Variants in RPUSD3 observed in about 807,000 individuals in gnomAD.
RPUSD3 encodes the protein mitochondrial mRNA pseudouridine synthase RPUSD3.
Under a neutral mutation model 35.1 loss-of-function variants are expected in RPUSD3, and 36 were observed. The ratio of observed to expected loss-of-function variants is 1.02; its 90% CI spans 0.79 to 1.35. The LOEUF (loss-of-function observed/expected upper bound fraction) is 1.35. RPUSD3 is among the 40% of genes most tolerant of loss of function. The probability of loss-of-function intolerance (pLI) is 0.00; values close to 1 mark genes in which losing one functional copy is unlikely to be tolerated. For missense variants in RPUSD3, 486 were observed against 441.9 expected, an observed-to-expected ratio of 1.10 and a Z score of -0.89; for synonymous variants, 202 against 187.8, an observed-to-expected ratio of 1.08 and a Z score of -0.62.
chr3:9,841,955 C>CT (rs1208083647), intron 4 of RPUSD3, 28 bp downstream of exon 4: 1 of 1,594,460 alleles, frequency 6.3e-7, no homozygotes, highest in Non-Finnish European at 8.6e-7. Flanking sequence ...GCCTGTACTC[C>CT]TAGCTTCCTG....
At chr3:9,840,251 A>T in exon 7 of RPUSD3, 1 of 1,614,120 alleles carries the variant, frequency 6.2e-7, no homozygotes, top group Non-Finnish European at 8.5e-7. Context: ...AGTGACTGAG[A>T]GTCTTCTTGA....
exon 8 of RPUSD3, chr3:9,839,050 G>A: frequency 3.7e-6 from 6 of 1,614,192 alleles, no homozygotes; most frequent in Non-Finnish European, 5.1e-6. Context: ...GGGGCTTGTT[G>A]TTCTCAGCTG....
intron 7 of RPUSD3, chr3:9,839,463 T>C (rs2082071157): frequency 3.9e-6 from 1 of 253,684 alleles, no homozygotes; most frequent in Non-Finnish European, 7.5e-6. Context: ...GGTGCTAGCC[T>C]GAAGCTGCCT....
intron 5 of RPUSD3, 27 bp downstream of exon 5, chr3:9,840,671 C>T (rs2082090269): frequency 1.2e-6 from 2 of 1,612,938 alleles, no homozygotes; most frequent in East Asian, 2.2e-5. Flanking sequence ...CTCCCCACCA[C>T]TCTAGGAACC....
intron 6 of RPUSD3, 63 bp downstream of exon 6, chr3:9,840,469 G>A (rs895240065): frequency 1.9e-6 from 3 of 1,583,794 alleles, no homozygotes; most frequent in Non-Finnish European, 2.6e-6. Context: ...CCATACCCCT[G>A]ACTCCTCTCT....
In RPUSD3 at chr3:9,839,183, G is replaced by A. The variant is rs1219364217; in HGVS notation, c.725-12C>T. 2 of 1,601,772 alleles carry A rather than the reference G, an allele frequency of 1.2e-6. No individual in the cohort carries two copies. The highest frequency in any genetic ancestry group is 1.7e-6 in the Non-Finnish European group (2 of 1,170,294). On this transcript the variant is annotated splice_polypyrimidine_tract_variant and intron_variant, in intron 7 of 8. Coordinates refer to ENST00000383820, the Ensembl canonical transcript of RPUSD3. ...TTGACTGGAGAACACTGGGCAACAG[G>A]AAAGCCAGGAGAGACAGTGGGCAGC...
chr3:9,843,442 C>T (rs766115098), intron 2 of RPUSD3, 23 bp downstream of exon 2: 1 of 1,612,674 alleles, frequency 6.2e-7, no homozygotes, highest in Non-Finnish European at 8.5e-7. Flanking sequence ...GGTCCTTGTG[C>T]GGCCGTGCCT....
chr3:9,842,051 C>T, exon 4 of RPUSD3: 1 of 1,612,080 alleles, frequency 6.2e-7, no homozygotes, highest in Non-Finnish European at 8.5e-7. Context: ...GCTCTGGCAG[C>T]ACTGAGAACA....
intron 7 of RPUSD3, 132 bp downstream of exon 7, chr3:9,840,052 T>G: frequency 8.4e-7 from 1 of 1,188,942 alleles, no homozygotes. Context: ...AGCTAATTTT[T>G]GTAGTTTTTA....
intron 7 of RPUSD3, 109 bp from the exon 8 acceptor site, chr3:9,839,280 CAT>C: frequency 3.7e-6 from 5 of 1,338,126 alleles, no homozygotes; most frequent in Admixed American, 4.7e-5. Flanking sequence ...TTTCTCAGAT[CAT>C]ATGTTTCAGT....
At chr3:9,843,981 G>A (rs752196855) in exon 1 of RPUSD3, 4 of 1,601,910 alleles carry the variant, frequency 2.5e-6, no homozygotes, top group Admixed American at 1.7e-5. Context: ...AAAACACGGC[G>A]GCCGTCCATC....
chr3:9,839,329 C>T (rs1484647355), intron 7 of RPUSD3, 158 bp from the exon 8 acceptor site: 5 of 721,486 alleles, frequency 6.9e-6, no homozygotes, highest in Non-Finnish European at 1.1e-5. Flanking sequence ...CAGAGAGGGA[C>T]ACATAACACG....
chr3:9,839,045 T>C lies in RPUSD3; in HGVS notation c.851A>G (p.Lys284Arg), dbSNP rs538107554. 2.6e-5 allele frequency: 42 copies of C among 1,613,916 alleles called. No individual in the cohort carries two copies. In the South Asian group the frequency reaches 3.8e-4, roughly 15 times the overall value. The change falls in exon 8 of 9, where the codon AAG (lysine) becomes AGG (arginine). Residue 284 changes from lysine (K) to arginine (R), a missense_variant. Transcript: ENST00000383820. ...GGGCTGGAGTACCTGTCTTTGGGGC[T>C]TGTTGTTCTCAGCTGGCAGCAGAAA... is the stretch of plus-strand genomic sequence containing the variant.
chr3:9,838,167 G>A, exon 9 of RPUSD3: 1 of 1,612,162 alleles, frequency 6.2e-7, no homozygotes, highest in South Asian at 1.1e-5. Context: ...AGCCTGGGAG[G>A]GGGTCAGGTG....
exon 1 of RPUSD3, chr3:9,843,980 C>G (rs1282874905): frequency 6.2e-7 from 1 of 1,602,218 alleles, no homozygotes; most frequent in Non-Finnish European, 8.5e-7. Flanking sequence ...CAAAACACGG[C>G]GGCCGTCCAT....
In RPUSD3 at chr3:9,841,982, C is replaced by T; in HGVS notation, c.407+1G>A. The T allele has an allele frequency of 6.2e-7, 1 of 1,613,842 alleles. No homozygotes were observed. Among genetic ancestry groups the T allele is most frequent in the Non-Finnish European group, 8.5e-7 (1 of 1,179,752 alleles). ...AGCTTCCTGTCACCCCTACCACTTA[C>T]TTCCCAGATGCTCGGACAACCTGAA... On this transcript the variant is annotated splice_donor_variant, in intron 4 of 8. Coordinates refer to ENST00000383820, the Ensembl canonical transcript of RPUSD3. LOFTEE classifies it high-confidence loss of function.
At position 9,840,250 on chromosome 3, in the gene RPUSD3, G is replaced by C. The variant is rs184838795; in HGVS notation, c.658C>G (p.Leu220Val). Residue 220 changes from leucine (L) to valine (V), a missense_variant, in exon 7 of 9, where the codon CTC becomes GTC. Leu to Val is a conservative substitution (Grantham distance 32). Coordinates refer to ENST00000383820, the Ensembl canonical transcript of RPUSD3. ...GTGGCTACCACACGAAAGTGACTGA[G>C]AGTCTTCTTGACACCTTCCAGGATG... 5.0e-6 allele frequency: 8 copies of C among 1,614,208 alleles called. No homozygotes were observed. In the Admixed American group the frequency reaches 1.0e-4, roughly 20 times the overall value.
In RPUSD3 at chr3:9,838,225, C is replaced by T. The variant is rs756143016; in HGVS notation, c.865-18G>A. 43 of 1,610,978 alleles carry T rather than the reference C, an allele frequency of 2.7e-5. No individual in the cohort carries two copies. The East Asian group carries it at 3.6e-4, about 13-fold the overall frequency. On this transcript the variant is annotated intron_variant, in intron 8 of 8. Transcript: ENST00000383820. Reference sequence around the variant, plus strand: ...TCCAGGACCTGGAGCGGGAGAGGTACGTTGTGTTCAGCCCCACATTTTCCA... The same window carrying T: ...TCCAGGACCTGGAGCGGGAGAGGTATGTTGTGTTCAGCCCCACATTTTCCA...
chr3:9,839,401 C>A (rs2082070329), intron 7 of RPUSD3: 5 of 450,800 alleles, frequency 1.1e-5, no homozygotes, highest in Non-Finnish European at 2.0e-5. Flanking sequence ...GAGATGCAAC[C>A]CTGATTTAAT....
Sources: gnomAD v4.1 joint callset for allele counts on GRCh38, gnomAD v4.1.1 for gene constraint, MANE v1.5 for transcripts, NCBI Gene and HGNC (gene_info 2026-07-23, HGNC 2026-07-21) for gene names.